ATRN: variants seen among roughly 807,000 people sequenced by gnomAD.
The protein encoded by ATRN is attractin, also known as attractin-2.
Under a neutral mutation model 178.7 loss-of-function variants are expected in ATRN, and 54 were observed. The observed-to-expected ratio is 0.30, with a 90% CI of 0.24 to 0.38. ATRN has a LOEUF of 0.38. Among genes scored for constraint, ATRN ranks in the 10% least tolerant of loss-of-function variants. ATRN has a pLI of 1.00. For missense variants in ATRN, 1,443 were observed against 1,815.1 expected (o/e 0.79, Z 3.73); for synonymous variants, 636 against 663.0 (o/e 0.96, Z 0.63).
Position 3,582,145 on chromosome 20 carries a change from C to T in ATRN, c.2555C>T (p.Thr852Ile). ...CTCTTTTGCCTTTAGTCCAAGCTCA[C>T]CTTAACCCCATGGGTCGGCCTTCGG... The part of the protein sequence containing the change: ...MQSSQSMSKL[T>I]LTPWVGLRKI... The change falls in exon 16 of 29, where the codon ACC becomes ATC. Residue 852 changes from threonine to isoleucine, a missense_variant. This residue lies in a region of ATRN where 212 missense variants were observed against 330.7 expected (regional missense o/e 0.64). Transcript: ENST00000262919. 6.2e-7 allele frequency: 1 copy of T among 1,614,042 alleles called. No individual in the cohort carries two copies. The highest frequency in any genetic ancestry group is 8.5e-7 in the Non-Finnish European group (1 of 1,179,904).
intron 1 of ATRN, among the ~76,000 whole-genome samples, chr20:3,473,275 C>T (rs1599987206): frequency 6.6e-6 from 1 of 152,046 alleles, no homozygotes; most frequent in Non-Finnish European, 1.5e-5. Context: ...AAACAGAGGA[C>T]TTGACTTAGT....
chr20:3,518,528 G>A (rs1372827160), intron 1 of ATRN, among the ~76,000 whole-genome samples: 1 of 152,308 alleles, frequency 6.6e-6, no homozygotes, highest in Admixed American at 6.5e-5. Flanking sequence ...AAATTAGATA[G>A]TGCAGATGTT....
At chr20:3,489,970 T>C in intron 1 of ATRN, 1 of 1,018,878 alleles carries the variant, frequency 9.8e-7, no homozygotes, top group Non-Finnish European at 1.6e-6. Flanking sequence ...TCTTCTCCTG[T>C]CCTTGCTTGC....
At chr20:3,538,491 C>T (rs1405517356) in intron 2 of ATRN, among the ~76,000 whole-genome samples, 2 of 152,166 alleles carry the variant, frequency 1.3e-5, no homozygotes, top group East Asian at 3.9e-4. Context: ...AGAACTGCTG[C>T]TCTAAGGAGC....
chr20:3,492,800 T>C (rs1376892957), intron 1 of ATRN, among the ~76,000 whole-genome samples: 1 of 149,822 alleles, frequency 6.7e-6, no homozygotes, highest in African/African-American at 2.5e-5. Context: ...CAGTTTTTGC[T>C]GCTGTACTGT....
intron 17 of ATRN, among the ~76,000 whole-genome samples, chr20:3,584,444 G>A (rs2086327480): frequency 6.6e-6 from 1 of 152,098 alleles, no homozygotes; most frequent in Non-Finnish European, 1.5e-5. Flanking sequence ...TCAACATCCT[G>A]GGATTGAGAG....
At chr20:3,600,835 A>G in intron 22 of ATRN, 111 bp from the exon 23 acceptor site, 2 of 1,036,596 alleles carry the variant, frequency 1.9e-6, no homozygotes, top group South Asian at 1.7e-5. Context: ...CTCTAAAGAC[A>G]TCATAAAATG....
chr20:3,551,647 TTC>T (rs1235739655), intron 6 of ATRN, among the ~76,000 whole-genome samples: 1 of 152,148 alleles, frequency 6.6e-6, no homozygotes, highest in Non-Finnish European at 1.5e-5. Context: ...CATTGATTCT[TTC>T]TCTCTCCCTC....
intron 1 of ATRN, among the ~76,000 whole-genome samples, chr20:3,482,105 T>A (rs1423198774): frequency 6.6e-6 from 1 of 151,972 alleles, no homozygotes; most frequent in Non-Finnish European, 1.5e-5. Flanking sequence ...GTTTTTAAGA[T>A]AATTTTAAAT....
rs543359433 is a variant in ATRN at position 3,530,440 on chromosome 20, C to CT, written c.411-4801dup. The stretch of plus-strand genomic sequence containing the variant: ...CACCATGCCTGGCTAATTTTTTTTT[C>CT]TTTTTTTTTTTTGTATTTTTAGTAG... On this transcript the variant is annotated intron_variant, in intron 1 of 28. Transcript: ENST00000262919. 2.9e-3 allele frequency among the ~76,000 whole-genome samples: 405 copies of CT among 138,402 alleles called. 2 individuals are homozygous for CT. The highest frequency in any genetic ancestry group is 8.5e-3 in the African/African-American group (323 of 38,142). The allele number at this position is 138,402 out of a possible 152,430, so 90.8% of individuals were successfully genotyped here.
intron 1 of ATRN, among the ~76,000 whole-genome samples, chr20:3,476,687 C>T (rs137921144): frequency 0.01 from 1,522 of 152,060 alleles, 32 homozygotes; most frequent in African/African-American, 0.035. Context: ...GGTGAAACCC[C>T]GTCTCCACTA....
At chr20:3,578,959 A>G (rs2086246704) in intron 15 of ATRN, among the ~76,000 whole-genome samples, 187 bp downstream of exon 15, 1 of 152,122 alleles carries the variant, frequency 6.6e-6, no homozygotes, top group Non-Finnish European at 1.5e-5. Flanking sequence ...AAAATTTTTA[A>G]TACTTTGTAT....
chr20:3,588,750 G>A (rs1211889460), intron 18 of ATRN, among the ~76,000 whole-genome samples: 2 of 152,096 alleles, frequency 1.3e-5, no homozygotes, highest in African/African-American at 4.8e-5. Flanking sequence ...AGTTCGTCAA[G>A]GATTAGCATT....
intron 24 of ATRN, among the ~76,000 whole-genome samples, chr20:3,616,398 C>T (rs140408094): frequency 6.6e-6 from 1 of 151,896 alleles, no homozygotes; most frequent in Non-Finnish European, 1.5e-5. Flanking sequence ...CCATGCATTC[C>T]TGGGAGCCAT....
intron 1 of ATRN, among the ~76,000 whole-genome samples, chr20:3,516,948 C>T (rs2085213373): frequency 6.6e-6 from 1 of 151,942 alleles, no homozygotes; most frequent in Non-Finnish European, 1.5e-5. Flanking sequence ...AATAAACATA[C>T]ATGTGCATGT....
At chr20:3,618,086 G>A (rs953154199) in intron 24 of ATRN, among the ~76,000 whole-genome samples, 1 of 152,212 alleles carries the variant, frequency 6.6e-6, no homozygotes, top group African/African-American at 2.4e-5. Context: ...TCTTGTAGCT[G>A]TGTGTGGGTA....
chr20:3,480,624 A>G (rs1462065949), intron 1 of ATRN, among the ~76,000 whole-genome samples: 4 of 152,244 alleles, frequency 2.6e-5, no homozygotes, highest in South Asian at 2.1e-4. Flanking sequence ...AGGTAGAGCC[A>G]GCTGACTAGG....
intron 1 of ATRN, among the ~76,000 whole-genome samples, chr20:3,510,823 T>G (rs564105586): frequency 6.6e-5 from 10 of 152,306 alleles, no homozygotes; most frequent in Admixed American, 2.0e-4. Context: ...GGGAGATGCT[T>G]TAAGACCATG....
At chr20:3,591,611 G>T (rs1484162253) in intron 19 of ATRN, among the ~76,000 whole-genome samples, 3 of 152,124 alleles carry the variant, frequency 2.0e-5, no homozygotes, top group Admixed American at 6.6e-5. Context: ...CATTGAACAG[G>T]GCACAGGTCA....
Sources: gnomAD v4.1 joint callset for allele counts (sites outside exome capture counted in the v4.1 genomes callset) on GRCh38, gnomAD v4.1.1 for gene constraint, gnomAD v4.1.1 regional missense constraint, MANE v1.5 for transcripts, NCBI Gene and HGNC (gene_info 2026-07-23, HGNC 2026-07-21) for gene names.